Variants in SERPINI2 observed in about 807,000 individuals in gnomAD.
SERPINI2 encodes serpin family I member 2, also known as serpin I2.
In SERPINI2, 48 loss-of-function variants were observed where a neutral mutation model predicts 47.3. That is an observed-to-expected ratio of 1.02 (90% CI 0.81 to 1.29). SERPINI2 has a LOEUF of 1.29. SERPINI2 is among the 50% of genes most tolerant of loss of function. The pLI is 0.00. For missense variants in SERPINI2, 448 were observed against 456.9 expected, an observed-to-expected ratio of 0.98 and a Z score of 0.18; for synonymous variants, 135 against 149.3, an observed-to-expected ratio of 0.90 and a Z score of 0.70.
intron 5 of SERPINI2, 151 bp downstream of exon 5, chr3:167,465,055 G>T: frequency 1.5e-6 from 1 of 666,446 alleles, no homozygotes; most frequent in Non-Finnish European, 2.5e-6. Context: ...CCCTGCTTTA[G>T]TATCCAAAAG....
chr3:167,452,101 A>G (rs1274607276), intron 6 of SERPINI2, among the ~76,000 whole-genome samples: 2 of 152,214 alleles, frequency 1.3e-5, no homozygotes, highest in Non-Finnish European at 2.9e-5. Flanking sequence ...CTAAATTAAC[A>G]ACACGTTTCC....
chr3:167,446,024 A>G (rs1749468613), intron 8 of SERPINI2, among the ~76,000 whole-genome samples: 1 of 152,172 alleles, frequency 6.6e-6, no homozygotes, highest in South Asian at 2.1e-4. Context: ...GGCATCATAC[A>G]CAGACAGTTG....
intron 6 of SERPINI2, among the ~76,000 whole-genome samples, chr3:167,450,854 C>A (rs1044350958): frequency 6.6e-6 from 1 of 152,172 alleles, no homozygotes; most frequent in Admixed American, 6.5e-5. Context: ...GGCTATTAGA[C>A]TAATCCACTT....
At chr3:167,450,388 G>T (rs974409698) in intron 6 of SERPINI2, among the ~76,000 whole-genome samples, 1 of 152,134 alleles carries the variant, frequency 6.6e-6, no homozygotes, top group Non-Finnish European at 1.5e-5. Flanking sequence ...TGCAAGTATA[G>T]TCTCCTCAAG....
intron 6 of SERPINI2, among the ~76,000 whole-genome samples, chr3:167,450,841 C>G (rs139380900): frequency 1.6e-4 from 25 of 152,244 alleles, no homozygotes; most frequent in African/African-American, 6.0e-4. Context: ...CAAATGACTC[C>G]CTGGCTATTA....
At chr3:167,452,874 A>G (rs1749679383) in intron 6 of SERPINI2, 62 bp downstream of exon 6, 1 of 973,682 alleles carries the variant, frequency 1.0e-6, no homozygotes, top group South Asian at 1.5e-5. Flanking sequence ...AAGCTCAGCT[A>G]GTTAATGTAG....
At chr3:167,468,610 A>T (rs1302840536) in intron 2 of SERPINI2, among the ~76,000 whole-genome samples, 1 of 152,194 alleles carries the variant, frequency 6.6e-6, no homozygotes, top group Non-Finnish European at 1.5e-5. Context: ...ACAATTTCAG[A>T]TATAAAAAAA....
intron 1 of SERPINI2, 181 bp downstream of exon 1, chr3:167,473,822 G>C: frequency 4.3e-6 from 6 of 1,398,638 alleles, no homozygotes; most frequent in Non-Finnish European, 5.6e-6. Context: ...ATAAGAACTG[G>C]ATCTTCTGAT....
intron 6 of SERPINI2, among the ~76,000 whole-genome samples, chr3:167,449,747 C>T (rs901748211): frequency 6.6e-6 from 1 of 152,180 alleles, no homozygotes; most frequent in Non-Finnish European, 1.5e-5. Flanking sequence ...CCCGCCTTGG[C>T]CTCCCAAAGT....
Position 167,467,823 on chromosome 3 carries a change from A to G in SERPINI2, c.248-538T>C, listed in dbSNP as rs115244015. Among the ~76,000 whole-genome samples the G allele has an allele frequency of 9.9e-3, 1,502 of 152,288 alleles. 21 individuals are homozygous for G. The highest frequency in any genetic ancestry group is 0.035 in the African/African-American group (1,435 of 41,554). On this transcript the variant is annotated intron_variant, in intron 2 of 8. Transcript: ENST00000264677. ...TCTGTAATCATCTCTAGAGATGCGT[A>G]AGAATCAGAATTGCCTATTTCTACA...
chr3:167,449,284 C>T (rs1370487598), intron 7 of SERPINI2, 32 bp downstream of exon 7: 1 of 1,445,148 alleles, frequency 6.9e-7, no homozygotes, highest in Non-Finnish European at 9.7e-7. Flanking sequence ...CCCATGTTTC[C>T]TTCTAGCTTG....
At chr3:167,470,216 A>T (rs756976391) in intron 2 of SERPINI2, among the ~76,000 whole-genome samples, 3 of 152,136 alleles carry the variant, frequency 2.0e-5, no homozygotes, top group Non-Finnish European at 2.9e-5. Context: ...TCAAGACTAA[A>T]TCTGGAATAC....
chr3:167,459,998 C>T (rs574501718), intron 5 of SERPINI2, among the ~76,000 whole-genome samples: 5 of 152,012 alleles, frequency 3.3e-5, no homozygotes, highest in Admixed American at 1.3e-4. Context: ...CAGCCACTAT[C>T]GGAAGGTAGG....
chr3:167,457,523 A>G (rs139357977), intron 5 of SERPINI2, among the ~76,000 whole-genome samples: 18 of 152,196 alleles, frequency 1.2e-4, no homozygotes, highest in Non-Finnish European at 2.2e-4. Context: ...AACACTCTTT[A>G]CTTAATGTCC....
intron 5 of SERPINI2, among the ~76,000 whole-genome samples, chr3:167,464,842 T>C (rs561007883): frequency 1.5e-3 from 231 of 152,336 alleles, no homozygotes; most frequent in African/African-American, 5.3e-3. Context: ...AAACATACCA[T>C]TATAATTATT....
chr3:167,445,488 A>C (rs1341088374), intron 8 of SERPINI2, among the ~76,000 whole-genome samples: 2 of 152,340 alleles, frequency 1.3e-5, no homozygotes, highest in East Asian at 3.9e-4. Flanking sequence ...GTGGCTTAGA[A>C]AGGACAAGCA....
At chr3:167,469,494 C>T (rs984397563) in intron 2 of SERPINI2, 5 of 152,170 alleles carry the variant, frequency 3.3e-5, no homozygotes, top group Admixed American at 6.5e-5. Context: ...TAAGAAGCTT[C>T]ACAAGTGACA....
intron 3 of SERPINI2, among the ~76,000 whole-genome samples, chr3:167,466,209 G>A (rs1750129637): frequency 6.6e-6 from 1 of 152,072 alleles, no homozygotes; most frequent in Admixed American, 6.6e-5. Flanking sequence ...TGAGAAATAG[G>A]CATGACTGGG....
rs766898172 is a variant in SERPINI2, at chr3:167,452,932, C to T, written c.964+4G>A. 1 of 1,539,428 alleles carries T rather than the reference C, an allele frequency of 6.5e-7. No individual in the cohort carries two copies. The highest frequency in any genetic ancestry group is 1.2e-5 in the South Asian group (1 of 85,246). ...CATAATATAAGAATTATTTATCATA[C>T]TACCTGTTATTCCAGAAAGGTCGCA... is the stretch of plus-strand genomic sequence containing the variant. On this transcript the variant is annotated splice_donor_region_variant and intron_variant, in intron 6 of 8. Transcript: ENST00000264677.
Sources: gnomAD v4.1 joint callset for allele counts (sites outside exome capture counted in the v4.1 genomes callset) on GRCh38, gnomAD v4.1.1 for gene constraint, MANE v1.5 for transcripts, NCBI Gene and HGNC (gene_info 2026-07-23, HGNC 2026-07-21) for gene names.